The following ZFPM2 variants were observed in gnomAD, a reference collection of about 807,000 sequenced individuals.
ZFPM2 encodes the protein zinc finger protein ZFPM2.
ZFPM2 carries 20 observed loss-of-function variants against 98.6 expected under a neutral mutation model. The observed-to-expected ratio is 0.20, with a 90% confidence interval of 0.14 to 0.29. The LOEUF is 0.29. Ranked by LOEUF, ZFPM2 falls within the 10% of genes least tolerant of loss-of-function variation. The pLI is 1.00. For synonymous variants in ZFPM2, 518 were observed against 502.7 expected (o/e 1.03, Z -0.41); for missense variants, 1,310 against 1,388.6 (o/e 0.94, Z 0.90).
intron 5 of ZFPM2, among the ~76,000 whole-genome samples, chr8:105,643,582 T>TA (rs1816985916): frequency 6.6e-6 from 1 of 152,006 alleles, no homozygotes; most frequent in African/African-American, 2.4e-5. Context: ...AAATGTATGG[T>TA]AAAAATAAAA....
At chr8:105,422,164 G>A (rs561070599) in intron 2 of ZFPM2, among the ~76,000 whole-genome samples, 46 of 151,084 alleles carry the variant, frequency 3.0e-4, no homozygotes, top group Non-Finnish European at 4.9e-4. Flanking sequence ...TAGGCCGGGC[G>A]CGATGGCTGA....
intron 3 of ZFPM2, among the ~76,000 whole-genome samples, chr8:105,507,884 G>A (rs1487656896): frequency 4.6e-5 from 7 of 152,118 alleles, no homozygotes; most frequent in Non-Finnish European, 1.0e-4. Flanking sequence ...CTGATGAGTA[G>A]GTTAGGCTGA....
rs1185884949 is a variant in ZFPM2, at chr8:105,803,733, T to A, written c.*195T>A. The A allele has an allele frequency of 1.6e-5, 9 of 572,344 alleles. No homozygotes were observed. The highest frequency in any genetic ancestry group is 4.7e-5 in the South Asian group (2 of 42,260). 35.5% of individuals were successfully genotyped at this position (572,344 alleles called of 1,614,324 possible). On this transcript the variant is annotated 3_prime_UTR_variant, in exon 8 of 8. Transcript: ENST00000407775. Reference sequence around the variant, plus strand: ...ATTATTGGTGCCATTTTCAAAAAAATTAATTTATTTTACCAGCAGTATTCA... The same window carrying A: ...ATTATTGGTGCCATTTTCAAAAAAAATAATTTATTTTACCAGCAGTATTCA...
At chr8:105,753,254 T>G (rs1232380393) in intron 5 of ZFPM2, among the ~76,000 whole-genome samples, 1 of 152,156 alleles carries the variant, frequency 6.6e-6, no homozygotes, top group African/African-American at 2.4e-5. Context: ...TAAATTCTAA[T>G]GATGGATTTT....
intron 5 of ZFPM2, among the ~76,000 whole-genome samples, chr8:105,724,576 T>G (rs1030354480): frequency 2.0e-5 from 3 of 151,906 alleles, no homozygotes; most frequent in African/African-American, 4.8e-5. Flanking sequence ...CATGGCATTT[T>G]AAGCAGATAC....
At chr8:105,698,678 A>G (rs555354345) in intron 5 of ZFPM2, among the ~76,000 whole-genome samples, 142 of 152,324 alleles carry the variant, frequency 9.3e-4, no homozygotes, top group Admixed American at 2.7e-3. Flanking sequence ...AAATTAAAAC[A>G]AAAAGACTTT....
chr8:105,391,666 C>T (rs1403133079), intron 1 of ZFPM2, among the ~76,000 whole-genome samples: 1 of 152,188 alleles, frequency 6.6e-6, no homozygotes, highest in Non-Finnish European at 1.5e-5. Flanking sequence ...CTAGCAACTA[C>T]TTTTTTGTGC....
At chr8:105,422,076 A>C (rs1811805933) in intron 2 of ZFPM2, among the ~76,000 whole-genome samples, 1 of 151,082 alleles carries the variant, frequency 6.6e-6, no homozygotes, top group Admixed American at 6.6e-5. Flanking sequence ...AAAAGGTAGA[A>C]GTATTTAAAT....
At chr8:105,570,025 G>A (rs1024481159) in intron 4 of ZFPM2, among the ~76,000 whole-genome samples, 1 of 152,128 alleles carries the variant, frequency 6.6e-6, no homozygotes, top group Non-Finnish European at 1.5e-5. Context: ...GGTTCTAGTA[G>A]TGCAAGGACT....
chr8:105,601,484 G>A (rs1816090804), intron 4 of ZFPM2, among the ~76,000 whole-genome samples: 1 of 151,978 alleles, frequency 6.6e-6, no homozygotes, highest in South Asian at 2.1e-4. Context: ...CCTCTGCTCT[G>A]TTCTTATTCT....
chr8:105,801,405 T>A lies in ZFPM2; in HGVS notation c.1323T>A (p.Cys441Ter). The change falls in exon 8 of 8, where the codon TGT becomes TGA. Residue 441 changes from cysteine to a stop codon, truncating the protein, a stop_gained. Coordinates refer to ENST00000407775, the MANE Select transcript of ZFPM2 (RefSeq NM_012082.4). LOFTEE classifies it high-confidence loss of function. Reference protein sequence around the residue: ...DASSDTELDKCEKKTQLFLTN... With the variant: ...DASSDTELDK The stretch of plus-strand genomic sequence containing the variant: ...GCTCTGACACAGAGCTGGACAAGTG[T>A]GAGAAAAAGACTCAGCTCTTTCTCA... 1 of 1,613,828 alleles carries A rather than the reference T, an allele frequency of 6.2e-7. No individual in the cohort carries two copies. The highest frequency in any genetic ancestry group is 8.5e-7 in the Non-Finnish European group (1 of 1,179,856).
intron 5 of ZFPM2, among the ~76,000 whole-genome samples, chr8:105,639,751 C>T (rs1816916241): frequency 6.6e-6 from 1 of 151,944 alleles, no homozygotes; most frequent in Non-Finnish European, 1.5e-5. Context: ...GAAGCCAGGC[C>T]TCCATGTTGG....
intron 4 of ZFPM2, among the ~76,000 whole-genome samples, chr8:105,624,653 G>A (rs1353606478): frequency 6.6e-6 from 1 of 152,036 alleles, no homozygotes. Context: ...ATATTTGGAA[G>A]CAAACATTGT....
intron 3 of ZFPM2, among the ~76,000 whole-genome samples, chr8:105,478,921 A>G (rs1813064051): frequency 6.6e-6 from 1 of 152,222 alleles, no homozygotes; most frequent in South Asian, 2.1e-4. Flanking sequence ...TCGAGCCCCA[A>G]AACATTTTAC....
At position 105,559,145 on chromosome 8, in the gene ZFPM2, T is replaced by C. The variant is rs142933214; in HGVS notation, c.302-2218T>C. ...CATTCCAATGCATTAATCAAAAAGA[T>C]TGCACAAAGATGAAAAACATTTTCA... On this transcript the variant is annotated intron_variant, in intron 3 of 7. Coordinates refer to ENST00000407775, the MANE Select transcript of ZFPM2 (RefSeq NM_012082.4). Among the ~76,000 whole-genome samples the C allele has an allele frequency of 3.3e-3, 496 of 152,282 alleles. 4 individuals carry two copies. Among genetic ancestry groups the C allele is most frequent in the Non-Finnish European group, 4.6e-3 (312 of 68,010 alleles).
At chr8:105,654,326 G>A (rs1468174164) in intron 5 of ZFPM2, among the ~76,000 whole-genome samples, 4 of 152,122 alleles carry the variant, frequency 2.6e-5, no homozygotes, top group East Asian at 3.9e-4. Flanking sequence ...AAAGGCTTTC[G>A]CCTTATCTTG....
chr8:105,412,536 A>G (rs1249805091), intron 1 of ZFPM2, among the ~76,000 whole-genome samples: 1 of 151,818 alleles, frequency 6.6e-6, no homozygotes, highest in African/African-American at 2.4e-5. Context: ...TGCAGGCAAC[A>G]AATGTAAATG....
intron 1 of ZFPM2, among the ~76,000 whole-genome samples, chr8:105,414,567 C>T (rs1191965789): frequency 6.6e-6 from 1 of 150,402 alleles, no homozygotes; most frequent in East Asian, 1.9e-4. Flanking sequence ...CATTTTCATC[C>T]TTATTCCTCA....
chr8:105,393,516 G>A (rs547730523), intron 1 of ZFPM2, among the ~76,000 whole-genome samples: 25 of 152,146 alleles, frequency 1.6e-4, no homozygotes, highest in African/African-American at 5.1e-4. Flanking sequence ...ACACAACCAC[G>A]GATAAACTCT....
Sources: allele counts gnomAD v4.1 joint callset (sites outside exome capture counted in the v4.1 genomes callset), GRCh38; gene constraint gnomAD v4.1.1; transcripts MANE v1.5; gene names NCBI Gene and HGNC (gene_info 2026-07-23, HGNC 2026-07-21).